The following CAPN9 variants were observed in gnomAD, a reference collection of about 807,000 sequenced individuals.
CAPN9 encodes the protein calpain-9.
CAPN9 carries 81 observed loss-of-function variants against 92.8 expected under a neutral mutation model. The ratio of observed to expected loss-of-function variants is 0.87; its 90% CI spans 0.73 to 1.05. The LOEUF is 1.05. CAPN9 is among the 50% of genes least tolerant of loss of function. The pLI is 0.00. For missense variants in CAPN9, 848 were observed against 866.2 expected, an observed-to-expected ratio of 0.98 and a Z score of 0.26; for synonymous variants, 304 against 328.0, an observed-to-expected ratio of 0.93 and a Z score of 0.79.
At chr1:230,767,807 C>T (rs1666089764) in intron 5 of CAPN9, 98 bp downstream of exon 5, 2 of 1,145,318 alleles carry the variant, frequency 1.7e-6, no homozygotes, top group Non-Finnish European at 2.5e-6. Context: ...CCCAGCCACA[C>T]CCAAGGAGGG....
At chr1:230,756,021 C>T (rs1010734479) in intron 2 of CAPN9, among the ~76,000 whole-genome samples, 5 of 152,084 alleles carry the variant, frequency 3.3e-5, no homozygotes, top group Non-Finnish European at 7.3e-5. Context: ...AGGACTTAAT[C>T]CAACTGGGCT....
chr1:230,757,330 C>G (rs899966176), intron 2 of CAPN9, among the ~76,000 whole-genome samples: 8 of 152,168 alleles, frequency 5.3e-5, no homozygotes, highest in Non-Finnish European at 7.4e-5. Context: ...CCTCCCTTCC[C>G]CTCGACCCCG....
rs963415679 is a variant in CAPN9 at position 230,774,539 on chromosome 1, T to G, written c.876-15T>G. The G allele has an allele frequency of 4.4e-6, 7 of 1,598,104 alleles. No homozygotes were observed. Among genetic ancestry groups the G allele is most frequent in the African/African-American group, 2.7e-5 (2 of 74,510 alleles). ...TCATGACCTCTGCCTGAACACCAAT[T>G]TTGTTTACTCCTAGTTCTCCGGAGT... On this transcript the variant is annotated splice_polypyrimidine_tract_variant and intron_variant, in intron 7 of 19. Coordinates refer to ENST00000271971, the MANE Select transcript of CAPN9 (RefSeq NM_006615.3).
chr1:230,753,824 C>G (rs1056115319), intron 1 of CAPN9, among the ~76,000 whole-genome samples: 1 of 151,822 alleles, frequency 6.6e-6, no homozygotes, highest in African/African-American at 2.4e-5. Flanking sequence ...TTACCTCTCC[C>G]GAGACCGGCC....
intron 17 of CAPN9, 38 bp from the exon 18 acceptor site, chr1:230,795,125 A>AG (rs765505206): frequency 7.5e-7 from 1 of 1,342,090 alleles, no homozygotes; most frequent in South Asian, 1.2e-5. Context: ...CGGGGCTCGG[A>AG]TACAGCGAGT....
chr1:230,791,640 A>C (rs867383872), intron 14 of CAPN9, among the ~76,000 whole-genome samples: 5 of 152,220 alleles, frequency 3.3e-5, no homozygotes, highest in African/African-American at 1.2e-4. Flanking sequence ...AACTAGAATA[A>C]ATGGATGAAG....
intron 4 of CAPN9, 127 bp downstream of exon 4, chr1:230,762,913 C>A: frequency 1.0e-6 from 1 of 992,672 alleles, no homozygotes; most frequent in Non-Finnish European, 1.4e-6. Context: ...TCGGCAGGAC[C>A]CAACCCTCTC....
chr1:230,761,512 G>C (rs1340652673), intron 3 of CAPN9, among the ~76,000 whole-genome samples: 2 of 151,818 alleles, frequency 1.3e-5, no homozygotes, highest in African/African-American at 4.9e-5. Context: ...GGAAGCCCTG[G>C]AGGGGAGGTC....
At chr1:230,760,324 C>T (rs149224448) in intron 3 of CAPN9, among the ~76,000 whole-genome samples, 33 of 152,328 alleles carry the variant, frequency 2.2e-4, no homozygotes, top group Middle Eastern at 3.4e-3. Flanking sequence ...AAAGGAGAGA[C>T]TGACAGTTCC....
At chr1:230,789,725 T>C (rs1192398852) in intron 13 of CAPN9, among the ~76,000 whole-genome samples, 2 of 152,212 alleles carry the variant, frequency 1.3e-5, no homozygotes, top group African/African-American at 4.8e-5. Flanking sequence ...TTTAAAGCTC[T>C]GCAGGTGGTT....
At position 230,791,755 on chromosome 1, in the gene CAPN9, A is replaced by G. The variant is rs1668003879; in HGVS notation, c.1658-109A>G. On this transcript the variant is annotated intron_variant, in intron 14 of 19. Transcript: ENST00000271971. Reference sequence around the variant, plus strand: ...AGCATCATAAGAGAGTAGCCACATCACAGCCCCCAACAGCCCTGGATTTAG... The same window carrying G: ...AGCATCATAAGAGAGTAGCCACATCGCAGCCCCCAACAGCCCTGGATTTAG... 3 of 759,396 alleles carry G rather than the reference A, an allele frequency of 4.0e-6. No homozygotes were observed. In the South Asian group the frequency reaches 5.0e-5, roughly 13 times the overall value. 47.0% of individuals were successfully genotyped at this position (759,396 alleles called of 1,614,324 possible). A position where few individuals can be genotyped will look rare whatever the true frequency, so the allele number is the denominator to read the frequency against.
chr1:230,759,647 G>T lies in CAPN9; in HGVS notation c.402+17G>T. ...CATTTCCAGGTAAGAGGGAGCCCTG[G>T]GCCAGTGGGTTTACCTCTCTGGGGC... On this transcript the variant is annotated intron_variant, in intron 3 of 19. Coordinates refer to ENST00000271971, the MANE Select transcript of CAPN9 (RefSeq NM_006615.3). 1 of 1,557,522 alleles carries T rather than the reference G, an allele frequency of 6.4e-7. No homozygotes were observed. The highest frequency in any genetic ancestry group is 8.8e-7 in the Non-Finnish European group (1 of 1,141,772).
Position 230,780,088 on chromosome 1 carries a change from G to C in CAPN9, c.1115-91G>C. 20 of 260,376 alleles carry C rather than the reference G, an allele frequency of 7.7e-5. No individual in the cohort carries two copies. In the South Asian group the frequency reaches 8.6e-4, roughly 11 times the overall value. 16.1% of individuals were successfully genotyped at this position (260,376 alleles called of 1,614,324 possible). ...GGCAGATAGGTGTATGTGCGTGTGT[G>C]TGTGTGTGTGTGTGTGTGTGTGTGT... On this transcript the variant is annotated intron_variant, in intron 9 of 19. Transcript: ENST00000271971.
At chr1:230,753,940 C>A (rs545834687) in intron 1 of CAPN9, among the ~76,000 whole-genome samples, 1 of 151,578 alleles carries the variant, frequency 6.6e-6, no homozygotes, top group Non-Finnish European at 1.5e-5. Flanking sequence ...AGCCTTGCCC[C>A]ATCCCACCCC....
intron 6 of CAPN9, 116 bp from the exon 7 acceptor site, chr1:230,771,898 A>G: frequency 1.2e-6 from 1 of 809,820 alleles, no homozygotes; most frequent in East Asian, 2.6e-5. Flanking sequence ...TAGGCAAGAG[A>G]CTTTCAACAG....
intron 3 of CAPN9, among the ~76,000 whole-genome samples, chr1:230,761,405 C>A (rs1665627066): frequency 1.3e-5 from 2 of 152,054 alleles, no homozygotes; most frequent in Non-Finnish European, 1.5e-5. Context: ...CCCCACTGCT[C>A]CCCTGCTCAG....
chr1:230,800,041 G>C (rs1452226821), intron 19 of CAPN9, among the ~76,000 whole-genome samples: 1 of 151,836 alleles, frequency 6.6e-6, no homozygotes, highest in Non-Finnish European at 1.5e-5. Context: ...AGCCTGGCAT[G>C]GTGGCGGGCG....
chr1:230,776,322 C>T (rs1036304635), intron 8 of CAPN9: 3 of 152,308 alleles, frequency 2.0e-5, no homozygotes, highest in African/African-American at 7.2e-5. Flanking sequence ...CCCAAAGGCC[C>T]CACCTCCTGA....
intron 18 of CAPN9, 54 bp downstream of exon 18, chr1:230,795,333 C>A: frequency 9.6e-7 from 1 of 1,045,850 alleles, no homozygotes; most frequent in Non-Finnish European, 1.5e-6. Context: ...TTCAGTCACC[C>A]TCCATGAGCG....
Sources: gnomAD v4.1 joint callset for allele counts (sites outside exome capture counted in the v4.1 genomes callset) on GRCh38, gnomAD v4.1.1 for gene constraint, MANE v1.5 for transcripts, NCBI Gene and HGNC (gene_info 2026-07-23, HGNC 2026-07-21) for gene names.